RAB13: variants seen among roughly 807,000 people sequenced by gnomAD.
RAB13 encodes the protein RAB13, member RAS oncogene family.
A neutral mutation model predicts 29.3 loss-of-function variants in RAB13; 15 were observed. The observed-to-expected ratio is 0.51, with a 90% CI of 0.34 to 0.79. RAB13 has a LOEUF of 0.79. Among genes scored for constraint, RAB13 ranks in the 30% least tolerant of loss-of-function variants. The probability of loss-of-function intolerance (pLI) is 0.01; values close to 1 mark genes in which losing one functional copy is unlikely to be tolerated. For missense variants in RAB13, 186 were observed against 255.5 expected (o/e 0.73, Z 1.85); for synonymous variants, 82 against 93.8 (o/e 0.87, Z 0.73).
Position 153,983,214 on chromosome 1 carries a change from C to T in RAB13, c.324+5G>A, listed in dbSNP as rs902331564. 1.9e-6 allele frequency: 3 copies of T among 1,610,908 alleles called. No individual in the cohort carries two copies. In the African/African-American group the frequency reaches 4.0e-5, roughly 21 times the overall value. The stretch of plus-strand genomic sequence containing the variant: ...GTTTCCCCATCTCTTTTGGAGGGTC[C>T]TCACCTCCTTGATGCTTTTCATCCA... On this transcript the variant is annotated splice_donor_5th_base_variant and intron_variant, in intron 4 of 7. Transcript: ENST00000368575.
At chr1:153,989,051 C>A (rs1245984964), upstream of RAB13, among the ~76,000 whole-genome samples, 3 of 146,912 alleles carry the variant, frequency 2.0e-5, no homozygotes, top group Non-Finnish European at 4.6e-5. Context: ...TCCCGAGTAG[C>A]TGGGATTACA....
chr1:153,989,172 T>TC (rs1649275126), upstream of RAB13, among the ~76,000 whole-genome samples: 1 of 143,046 alleles, frequency 7.0e-6, no homozygotes, highest in Non-Finnish European at 1.6e-5. Context: ...CGTCACGTGA[T>TC]CCGCCCGCCT....
At position 153,982,175 on chromosome 1, in the gene RAB13, C is replaced by G. The variant is rs778778077; in HGVS notation, c.536G>C (p.Gly179Ala). The G allele has an allele frequency of 2.6e-5, 42 of 1,613,414 alleles. No individual in the cohort carries two copies. Among genetic ancestry groups the G allele is most frequent in the Non-Finnish European group, 3.4e-5 (40 of 1,179,640 alleles). Reference sequence around the variant, plus strand: ...AGTACTGGGAGGCTTGTTGCCGTTTCCCTAGAGGGAGAAGGGCACAGGTGT... The same window carrying G: ...AGTACTGGGAGGCTTGTTGCCGTTTGCCTAGAGGGAGAAGGGCACAGGTGT... ...ILLKSGGRRS[G>A]NGNKPPSTDL... The change falls in exon 8 of 8, where the codon GGA (glycine) becomes GCA (alanine). Residue 179 changes from glycine to alanine, a missense_variant and splice_region_variant. Gly to Ala is a moderately conservative substitution (Grantham distance 60). Transcript: ENST00000368575.
chr1:153,982,212 T>C (rs767565680), intron 7 of RAB13, 36 bp from the exon 8 acceptor site: 2 of 1,589,804 alleles, frequency 1.3e-6, no homozygotes, highest in Non-Finnish European at 8.6e-7. Flanking sequence ...ATGGTGTGAA[T>C]GGATGGTTAG....
At chr1:153,988,670 A>T (rs1351620529), upstream of RAB13, among the ~76,000 whole-genome samples, 1 of 148,344 alleles carries the variant, frequency 6.7e-6, no homozygotes, top group Non-Finnish European at 1.5e-5. Context: ...CTGGGGTGCA[A>T]TGGTGTGATC....
chr1:153,990,217 C>T (rs1005026391), upstream of RAB13, among the ~76,000 whole-genome samples: 4 of 152,114 alleles, frequency 2.6e-5, no homozygotes, highest in African/African-American at 7.2e-5. Context: ...AGGCACACGC[C>T]ACCACGCCTG....
Position 153,982,077 on chromosome 1 carries a change from G to A in RAB13, c.*22C>T. On this transcript the variant is annotated 3_prime_UTR_variant, in exon 8 of 8. Transcript: ENST00000368575. Reference sequence around the variant, plus strand: ...GTCTCCCTCAGGTTCAGCTTCCGGGGTGGGGAGGCAAGAAAGGGTCCTCAG... The same window carrying A: ...GTCTCCCTCAGGTTCAGCTTCCGGGATGGGGAGGCAAGAAAGGGTCCTCAG... The A allele has an allele frequency of 1.2e-6, 2 of 1,606,350 alleles. No individual in the cohort carries two copies. The highest frequency in any genetic ancestry group is 1.7e-6 in the Non-Finnish European group (2 of 1,173,784).
chr1:153,988,127 T>C (rs937421438), upstream of RAB13, among the ~76,000 whole-genome samples: 1 of 151,368 alleles, frequency 6.6e-6, no homozygotes, highest in African/African-American at 2.4e-5. Flanking sequence ...TGTAATCCTC[T>C]GGGATTACAG....
Position 153,986,291 on chromosome 1 carries a change from G to C in RAB13, c.-55C>G. On this transcript the variant is annotated 5_prime_UTR_variant, in exon 1 of 8. Transcript: ENST00000368575. ...TGGGGAGCGCCCGGCACTGGTAGGC[G>C]GGACTGGACGGTTGGCAAACAGAGC... 6.8e-7 allele frequency: 1 copy of C among 1,467,346 alleles called. No homozygotes were observed. Among genetic ancestry groups the C allele is most frequent in the Non-Finnish European group, 9.5e-7 (1 of 1,056,510 alleles). 90.9% of individuals were successfully genotyped at this position (1,467,346 alleles called of 1,614,324 possible). A position where few individuals can be genotyped will look rare whatever the true frequency, so the allele number is the denominator to read the frequency against.
At chr1:153,987,602 T>C (rs918988793), upstream of RAB13, among the ~76,000 whole-genome samples, 2 of 150,952 alleles carry the variant, frequency 1.3e-5, no homozygotes, top group Admixed American at 6.6e-5. Context: ...TCTTGCTATA[T>C]GTGTGCTGGG....
chr1:153,986,264 G>A lies in RAB13; in HGVS notation c.-28C>T, dbSNP rs776158853. 5 of 1,598,304 alleles carry A rather than the reference G, an allele frequency of 3.1e-6. No homozygotes were observed. Among genetic ancestry groups the A allele is most frequent in the South Asian group, 1.1e-5 (1 of 89,650 alleles). On this transcript the variant is annotated 5_prime_UTR_variant, in exon 1 of 8. Transcript: ENST00000368575. ...CGGACACCGGGGGAGCCGGGGGAGG[G>A]GTGGGGAGCGCCCGGCACTGGTAGG... is the stretch of plus-strand genomic sequence containing the variant.
upstream of RAB13, chr1:153,986,381 A>G: frequency 1.4e-6 from 1 of 690,852 alleles, no homozygotes; most frequent in Non-Finnish European, 2.4e-6. Context: ...GAAAGAGGAG[A>G]GGCGGCACCC....
intron 1 of RAB13, chr1:153,985,448 A>C (rs1649134055): frequency 1.1e-6 from 1 of 894,310 alleles, no homozygotes; most frequent in Non-Finnish European, 1.3e-6. Flanking sequence ...ACCTCCCCCA[A>C]GCCTGCTGGG....
intron 3 of RAB13, 78 bp from the exon 4 acceptor site, chr1:153,983,374 T>A: frequency 6.7e-7 from 1 of 1,493,228 alleles, no homozygotes. Flanking sequence ...CCCGCATCCA[T>A]GGGTCTAAAC....
intron 1 of RAB13, chr1:153,985,231 T>G (rs1649124657): frequency 1.0e-6 from 1 of 987,260 alleles, no homozygotes; most frequent in East Asian, 1.1e-4. Flanking sequence ...CTATGTGAAT[T>G]AACTAGTGGG....
intron 5 of RAB13, 55 bp downstream of exon 5, chr1:153,982,664 A>G (rs1649024666): frequency 6.2e-7 from 1 of 1,610,842 alleles, no homozygotes; most frequent in African/African-American, 1.3e-5. Context: ...CTGCAATGCA[A>G]CCTATCTTGG....
chr1:153,982,412 G>C lies in RAB13; in HGVS notation c.513C>G (p.Leu171=). ...AFSSLARDIL[L]KSGGRRSGNG... is the part of the protein sequence containing the mutation. The stretch of plus-strand genomic sequence containing the variant: ...TTACTGATCTCCGGCCTCCTGACTT[G>C]AGCAAGATGTCCCGGGCCAGGGAAC... Residue 171 remains leucine (L), a synonymous_variant, in exon 7 of 8, where the codon CTC becomes CTG. Transcript: ENST00000368575. The C allele has an allele frequency of 2.5e-6, 4 of 1,613,760 alleles. No homozygotes were observed. Among genetic ancestry groups the C allele is most frequent in the Middle Eastern group, 1.7e-4 (1 of 6,044 alleles).
chr1:153,984,430 C>G (rs1257770091), intron 2 of RAB13, among the ~76,000 whole-genome samples: 1 of 152,192 alleles, frequency 6.6e-6, no homozygotes, highest in Non-Finnish European at 1.5e-5. Flanking sequence ...TGCCATTTAA[C>G]TGCTCACAGC....
chr1:153,989,533 G>A (rs1369242315), upstream of RAB13, among the ~76,000 whole-genome samples: 1 of 151,866 alleles, frequency 6.6e-6, no homozygotes, highest in Non-Finnish European at 1.5e-5. Context: ...ACAGGCGTGA[G>A]CCACGGCGCC....
Sources: gnomAD v4.1 joint callset for allele counts (sites outside exome capture counted in the v4.1 genomes callset) on GRCh38, gnomAD v4.1.1 for gene constraint, MANE v1.5 for transcripts, NCBI Gene and HGNC (gene_info 2026-07-23, HGNC 2026-07-21) for gene names.